PUDP: variants seen among roughly 807,000 people sequenced by gnomAD.
PUDP encodes the protein pseudouridine 5'-phosphatase.
In PUDP, 8 loss-of-function variants were observed where a neutral mutation model predicts 9.4. The ratio of observed to expected loss-of-function variants is 0.85; its 90% CI spans 0.50 to 1.53. The LOEUF (loss-of-function observed/expected upper bound fraction) is 1.53, where lower values mean the gene tolerates loss of function less well. Ranked by LOEUF, PUDP falls within the 40% of genes most tolerant of loss-of-function variation. The pLI is 0.00. For missense variants in PUDP, 188 were observed against 189.7 expected (o/e 0.99, Z 0.05); for synonymous variants, 99 against 80.7 (o/e 1.23, Z -1.22).
chrX:7,073,034 T>TG (rs924877347), intron 3 of PUDP, among the ~76,000 whole-genome samples: 6 of 110,524 alleles, frequency 5.4e-5, no homozygotes, highest in Non-Finnish European at 1.1e-4. Flanking sequence ...TCTCAGGACC[T>TG]GGCGTTCGGC....
intron 3 of PUDP, among the ~76,000 whole-genome samples, chrX:6,932,361 G>A (rs1928204656): frequency 9.0e-6 from 1 of 111,677 alleles, no homozygotes; most frequent in East Asian, 2.8e-4. Context: ...GTTCCTAATC[G>A]TACAGGTGGA....
chrX:6,898,935 T>C (rs768577646), intron 3 of PUDP, among the ~76,000 whole-genome samples: 97 of 111,397 alleles, frequency 8.7e-4, no homozygotes, highest in African/African-American at 3.0e-3. Flanking sequence ...GTCTCTAAGA[T>C]TTCTGTCTTA....
intron 1 of PUDP, among the ~76,000 whole-genome samples, chrX:7,112,815 C>T (rs1166355982): frequency 1.0e-5 from 1 of 99,297 alleles, no homozygotes; most frequent in Non-Finnish European, 2.1e-5. Flanking sequence ...GTGTGCGCCA[C>T]CACACCAGGC....
chrX:7,042,943 C>T (rs976867172), intron 1 of PUDP, among the ~76,000 whole-genome samples: 4 of 111,744 alleles, frequency 3.6e-5, no homozygotes, highest in African/African-American at 6.5e-5. Flanking sequence ...ACAAGTTCCA[C>T]GGGGGCAGGG....
intron 3 of PUDP, among the ~76,000 whole-genome samples, chrX:6,760,272 A>ATTTGATT (rs1925215564): frequency 9.0e-6 from 1 of 111,469 alleles, no homozygotes; most frequent in Admixed American, 9.5e-5. Flanking sequence ...GAGCATCAAG[A>ATTTGATT]TTTGATTTTT....
chrX:6,854,686 A>G (rs1926878644), intron 3 of PUDP, among the ~76,000 whole-genome samples: 1 of 111,540 alleles, frequency 9.0e-6, no homozygotes, highest in African/African-American at 3.3e-5. Flanking sequence ...TGTTATTAAG[A>G]ACGTTATAAG....
chrX:6,863,283 T>G, intron 3 of PUDP, among the ~76,000 whole-genome samples: 1 of 112,709 alleles, frequency 8.9e-6, no homozygotes, highest in African/African-American at 3.2e-5. Context: ...ACTAAATCAT[T>G]GAAATCTGGT....
intron 1 of PUDP, among the ~76,000 whole-genome samples, chrX:7,000,319 AC>A (rs1428454059): frequency 7.2e-5 from 8 of 111,866 alleles, no homozygotes; most frequent in Admixed American, 4.8e-4. Context: ...AACTAAAAAA[AC>A]AAACGAACAA....
upstream of PUDP, among the ~76,000 whole-genome samples, chrX:6,723,722 C>G (rs192124238): frequency 4.0e-4 from 39 of 98,069 alleles, no homozygotes; most frequent in African/African-American, 1.5e-3. Context: ...CAAAAAAACG[C>G]CTGATTGATT....
chrX:7,113,280 G>A (rs1932103000), intron 1 of PUDP: 1 of 113,229 alleles, frequency 8.8e-6, no homozygotes. Context: ...CTTGCAAACA[G>A]GTCAGGCCCA....
At chrX:6,822,687 A>C (rs1313705665) in intron 3 of PUDP, among the ~76,000 whole-genome samples, 2 of 85,652 alleles carry the variant, frequency 2.3e-5, no homozygotes, top group East Asian at 7.2e-4. Flanking sequence ...GGCCTCCCAA[A>C]GTGTTTTTTT....
At chrX:6,838,272 G>C (rs893469540) in intron 3 of PUDP, among the ~76,000 whole-genome samples, 6 of 112,685 alleles carry the variant, frequency 5.3e-5, no homozygotes, top group African/African-American at 1.6e-4. Flanking sequence ...TTAAAATCTA[G>C]ACGAGTTAAC....
intron 3 of PUDP, among the ~76,000 whole-genome samples, chrX:6,841,233 C>T (rs189683681): frequency 2.8e-5 from 3 of 107,615 alleles, no homozygotes; most frequent in East Asian, 5.9e-4. Context: ...GCCGAGATTG[C>T]GCCACTGCAC....
intron 1 of PUDP, among the ~76,000 whole-genome samples, chrX:6,714,413 C>T (rs1924570930): frequency 9.0e-6 from 1 of 111,433 alleles, no homozygotes; most frequent in African/African-American, 3.3e-5. Context: ...ATGACAGATA[C>T]ACACAAACGA....
intron 1 of PUDP, among the ~76,000 whole-genome samples, chrX:7,040,325 C>T (rs969399629): frequency 5.4e-5 from 6 of 112,071 alleles, no homozygotes; most frequent in African/African-American, 1.9e-4. Context: ...GCTCTAGGAG[C>T]TGGTTCAGGA....
At chrX:6,932,743 G>A (rs1353144190) in intron 3 of PUDP, among the ~76,000 whole-genome samples, 1 of 111,799 alleles carries the variant, frequency 8.9e-6, no homozygotes, top group East Asian at 2.9e-4. Context: ...GGACGCACCT[G>A]GAAAATCGGG....
intron 3 of PUDP, among the ~76,000 whole-genome samples, chrX:6,756,306 T>C (rs759654311): frequency 8.9e-6 from 1 of 112,328 alleles, no homozygotes; most frequent in South Asian, 3.7e-4. Context: ...CTACTTATAG[T>C]AGCTTAAAAG....
At chrX:6,877,240 T>C (rs1927278889) in intron 3 of PUDP, among the ~76,000 whole-genome samples, 1 of 111,428 alleles carries the variant, frequency 9.0e-6, no homozygotes, top group Non-Finnish European at 1.9e-5. Flanking sequence ...ATTATAAGCA[T>C]GAGCCACTAT....
intron 1 of PUDP, among the ~76,000 whole-genome samples, chrX:7,023,056 G>A (rs1319109634): frequency 9.0e-6 from 1 of 111,385 alleles, no homozygotes; most frequent in Non-Finnish European, 1.9e-5. Flanking sequence ...CCACCAGCCA[G>A]ACTGAAAAAA....
Sources: allele counts gnomAD v4.1 joint callset (sites outside exome capture counted in the v4.1 genomes callset), GRCh38; gene constraint gnomAD v4.1.1; transcripts MANE v1.5; gene names NCBI Gene and HGNC (gene_info 2026-07-23, HGNC 2026-07-21).